NUAK2: variants seen among roughly 807,000 people sequenced by gnomAD.
The protein encoded by NUAK2 is NUAK family kinase 2.
Under a neutral mutation model 29.8 loss-of-function variants are expected in NUAK2, and 20 were observed. The observed-to-expected ratio is 0.67, with a 90% confidence interval of 0.47 to 0.98. The LOEUF (loss-of-function observed/expected upper bound fraction) is 0.98, where lower values mean the gene tolerates loss of function less well. NUAK2 is among the 50% of genes least tolerant of loss of function. NUAK2 has a pLI of 0.00. For synonymous variants in NUAK2, 331 were observed against 342.6 expected (o/e 0.97, Z 0.37); for missense variants, 719 against 834.5 (o/e 0.86, Z 1.71).
chr1:205,308,124 G>T lies in NUAK2; in HGVS notation c.570+41C>A. 7.3e-7 allele frequency: 1 copy of T among 1,377,990 alleles called. No homozygotes were observed. 85.4% of individuals were successfully genotyped at this position (1,377,990 alleles called of 1,614,324 possible). On this transcript the variant is annotated intron_variant, in intron 4 of 6. Coordinates refer to ENST00000367157, the MANE Select transcript of NUAK2 (RefSeq NM_030952.3). This position sits in a 1 kb window ranked among gnomAD's most constrained non-coding sequence, Gnocchi z 4.1. ...GCTGGGGACAGTGCAGAAAAGCTGGGGTGGGCAAGGAGGCTTCTAGAAATA... is the reference window on the plus strand; with the variant it reads ...GCTGGGGACAGTGCAGAAAAGCTGGTGTGGGCAAGGAGGCTTCTAGAAATA...
intron 1 of NUAK2, among the ~76,000 whole-genome samples, chr1:205,320,727 A>G (rs909883374): frequency 7.2e-5 from 11 of 152,232 alleles, no homozygotes; most frequent in African/African-American, 2.7e-4. Flanking sequence ...ACAGACTGCT[A>G]GACTCCTACG....
chr1:205,316,220 T>TG (rs1298802640), intron 1 of NUAK2, among the ~76,000 whole-genome samples: 1 of 152,240 alleles, frequency 6.6e-6, no homozygotes, highest in Non-Finnish European at 1.5e-5. Context: ...TTAACTCATC[T>TG]GGCTGGTTTT....
chr1:205,303,371 G>T lies in NUAK2; in HGVS notation c.*79C>A. Reference sequence around the variant, plus strand: ...AGCTGGGATGCAGGTCCTGGGAGGTGGGGGAGAAGGCATCTCCCCTCGGGG... The same window carrying T: ...AGCTGGGATGCAGGTCCTGGGAGGTTGGGGAGAAGGCATCTCCCCTCGGGG... On this transcript the variant is annotated 3_prime_UTR_variant, in exon 7 of 7. Transcript: ENST00000367157. 2.4e-6 allele frequency: 3 copies of T among 1,256,390 alleles called. No homozygotes were observed. Among genetic ancestry groups the T allele is most frequent in the Non-Finnish European group, 1.1e-6 (1 of 909,228 alleles). The allele number at this position is 1,256,390 out of a possible 1,614,324, so 77.8% of individuals were successfully genotyped here.
chr1:205,317,346 T>C (rs796085206), intron 1 of NUAK2, among the ~76,000 whole-genome samples: 57 of 152,346 alleles, frequency 3.7e-4, no homozygotes, highest in African/African-American at 1.3e-3. Context: ...AGATCCTTGA[T>C]TTCTCTCTGG....
At chr1:205,314,182 C>A (rs1167488656) in intron 1 of NUAK2, among the ~76,000 whole-genome samples, 2 of 152,234 alleles carry the variant, frequency 1.3e-5, no homozygotes, top group Non-Finnish European at 2.9e-5. Flanking sequence ...GTCACCCCGG[C>A]AACGGGCCAG....
At chr1:205,321,309 A>T (rs1323587299) in intron 1 of NUAK2, 89 bp downstream of exon 1, 4 of 1,200,062 alleles carry the variant, frequency 3.3e-6, no homozygotes, top group Non-Finnish European at 4.5e-6. Context: ...TCCGCCGAGC[A>T]ACGAGCGAGC....
chr1:205,308,491 G>T lies in NUAK2; in HGVS notation c.504+90C>A. 2.9e-6 allele frequency: 4 copies of T among 1,400,180 alleles called. No homozygotes were observed. The highest frequency in any genetic ancestry group is 4.0e-6 in the Non-Finnish European group (4 of 1,002,796). 86.7% of individuals were successfully genotyped at this position (1,400,180 alleles called of 1,614,324 possible). On this transcript the variant is annotated intron_variant, in intron 3 of 6. Transcript: ENST00000367157. This position sits in a 1 kb window ranked among gnomAD's most constrained non-coding sequence, Gnocchi z 4.1. ...TTGCCTCTGTTTCTGTGTGATCCTGGACAAGTCATGGAACCTCTCTGGTCC... is the reference window on the plus strand; with the variant it reads ...TTGCCTCTGTTTCTGTGTGATCCTGTACAAGTCATGGAACCTCTCTGGTCC...
At chr1:205,313,818 G>A (rs887242059) in intron 1 of NUAK2, among the ~76,000 whole-genome samples, 1 of 152,202 alleles carries the variant, frequency 6.6e-6, no homozygotes, top group Non-Finnish European at 1.5e-5. Context: ...GTGTCACAGG[G>A]CCGGCCAGTT....
chr1:205,321,397 C>T lies in NUAK2; in HGVS notation c.231+1G>A. Reference sequence around the variant, plus strand: ...GCGCCGCGAGAGGGAGCCGCACTCACCAGGCGCCCCGAGCTCTCCCGCGCC... The same window carrying T: ...GCGCCGCGAGAGGGAGCCGCACTCATCAGGCGCCCCGAGCTCTCCCGCGCC... On this transcript the variant is annotated splice_donor_variant, in intron 1 of 6. Coordinates refer to ENST00000367157, the MANE Select transcript of NUAK2 (RefSeq NM_030952.3). LOFTEE classifies it high-confidence loss of function. The T allele has an allele frequency of 6.2e-7, 1 of 1,612,586 alleles. No homozygotes were observed. Among genetic ancestry groups the T allele is most frequent in the Non-Finnish European group, 8.5e-7 (1 of 1,179,360 alleles).
chr1:205,319,070 C>A (rs1271796216), intron 1 of NUAK2, among the ~76,000 whole-genome samples: 1 of 149,634 alleles, frequency 6.7e-6, no homozygotes, highest in Non-Finnish European at 1.5e-5. Flanking sequence ...GGCACTAGGT[C>A]TCTCTCGATT....
At position 205,321,599 on chromosome 1, in the gene NUAK2, G is replaced by T; in HGVS notation, c.30C>A (p.Ser10=). ...GCTCTGCGGCCGAGGGAGTGGGGCC[G>T]GAGCGCCGCGCGAAAACCAGCGACT... MESLVFARR[S]GPTPSAAELA... Residue 10 remains serine, a synonymous_variant, in exon 1 of 7, where the codon TCC becomes TCA. Transcript: ENST00000367157. 1.2e-6 allele frequency: 2 copies of T among 1,611,702 alleles called. No individual in the cohort carries two copies. Among genetic ancestry groups the T allele is most frequent in the Non-Finnish European group, 1.7e-6 (2 of 1,179,674 alleles).
At chr1:205,318,976 T>C (rs1215954601) in intron 1 of NUAK2, among the ~76,000 whole-genome samples, 1 of 152,126 alleles carries the variant, frequency 6.6e-6, no homozygotes, top group Non-Finnish European at 1.5e-5. Flanking sequence ...CCTCTGAATC[T>C]AGCTCCCACC....
intron 2 of NUAK2, among the ~76,000 whole-genome samples, chr1:205,310,693 C>T (rs1662245606): frequency 6.6e-6 from 1 of 151,874 alleles, no homozygotes; most frequent in South Asian, 2.1e-4. Context: ...CATATATATA[C>T]ACACACACAC....
At chr1:205,310,721 G>A (rs1662245944) in intron 2 of NUAK2, among the ~76,000 whole-genome samples, 1 of 152,020 alleles carries the variant, frequency 6.6e-6, no homozygotes, top group South Asian at 2.1e-4. Flanking sequence ...ACCACACTCA[G>A]CCTGGCTTAA....
chr1:205,303,674 C>G lies in NUAK2; in HGVS notation c.1663G>C (p.Asp555His). 5.1e-6 allele frequency: 8 copies of G among 1,558,694 alleles called. No individual in the cohort carries two copies. The highest frequency in any genetic ancestry group is 6.9e-6 in the Non-Finnish European group (8 of 1,153,840). ...AGCCGTTCAGGCAAGTCCAGCTGGT[C>G]AAAGGACTCAGAGGACAGGATGCTG... Reference protein sequence around the residue: ...EDSILSSESFDQLDLPERLPE... With the variant: ...EDSILSSESFHQLDLPERLPE... The change falls in exon 7 of 7, where the codon GAC becomes CAC. Residue 555 changes from aspartate to histidine, a missense_variant. Physicochemically the swap from Asp to His is moderately conservative, Grantham distance 81. Around this residue, in one of 3 missense-constraint regions of NUAK2, gnomAD observed 430 missense variants for 465.7 expected, o/e 0.92. Coordinates refer to ENST00000367157, the MANE Select transcript of NUAK2 (RefSeq NM_030952.3).
rs1353049118 is a variant in NUAK2, at chr1:205,303,533, C to T, written c.1804G>A (p.Asp602Asn). The T allele has an allele frequency of 4.3e-6, 7 of 1,613,436 alleles. No homozygotes were observed. The highest frequency in any genetic ancestry group is 5.9e-6 in the Non-Finnish European group (7 of 1,179,904). ...LRRWRQDPLG[D>N]SCFSLTDCQE... The stretch of plus-strand genomic sequence containing the variant: ...CAGTCTGTCAGGGAAAAGCAGCTGT[C>T]CCCCAAAGGATCCTGCCGCCAGCGC... Residue 602 changes from aspartate (D) to asparagine (N), a missense_variant, in exon 7 of 7, where the codon GAC becomes AAC. Transcript: ENST00000367157.
Position 205,303,670 on chromosome 1 carries a change from T to A in NUAK2, c.1667A>T (p.Gln556Leu). Residue 556 changes from glutamine to leucine, a missense_variant, in exon 7 of 7, where the codon CAG (glutamine) becomes CTG (leucine). This residue lies in a region of NUAK2 where 430 missense variants were observed against 465.7 expected (regional missense o/e 0.92). Transcript: ENST00000367157. The stretch of plus-strand genomic sequence containing the variant: ...TGGGAGCCGTTCAGGCAAGTCCAGC[T>A]GGTCAAAGGACTCAGAGGACAGGAT... ...DSILSSESFD[Q>L]LDLPERLPEP... 2 of 1,561,756 alleles carry A rather than the reference T, an allele frequency of 1.3e-6. No homozygotes were observed. Among genetic ancestry groups the A allele is most frequent in the Non-Finnish European group, 1.7e-6 (2 of 1,155,324 alleles).
chr1:205,311,507 A>T (rs138492829), intron 2 of NUAK2, among the ~76,000 whole-genome samples, 198 bp downstream of exon 2: 237 of 152,340 alleles, frequency 1.6e-3, no homozygotes, highest in African/African-American at 5.5e-3. Flanking sequence ...TAAATGAGGA[A>T]CTGAGGCCCA....
At position 205,311,822 on chromosome 1, in the gene NUAK2, C is replaced by T; in HGVS notation, c.235G>A (p.Ala79Thr). The stretch of plus-strand genomic sequence containing the variant: ...TTGTCCTTCCGGATTGACTTGATGG[C>T]CACCTGGGAAGAGAAGGCATGAGAG... ...KARESSGRLV[A>T]IKSIRKDKIK... Residue 79 changes from alanine (A) to threonine (T), a missense_variant, in exon 2 of 7, where the codon GCC becomes ACC. Around this residue, in one of 3 missense-constraint regions of NUAK2, gnomAD observed 283 missense variants for 345.6 expected, o/e 0.82. Coordinates refer to ENST00000367157, the MANE Select transcript of NUAK2 (RefSeq NM_030952.3). 1 of 1,613,730 alleles carries T rather than the reference C, an allele frequency of 6.2e-7. No individual in the cohort carries two copies. The highest frequency in any genetic ancestry group is 8.5e-7 in the Non-Finnish European group (1 of 1,179,910).
Sources: gnomAD v4.1 joint callset for allele counts (sites outside exome capture counted in the v4.1 genomes callset) on GRCh38, gnomAD v4.1.1 for gene constraint, gnomAD v4.1.1 regional missense constraint, Gnocchi (gnomAD v3.1) non-coding constraint, MANE v1.5 for transcripts, NCBI Gene and HGNC (gene_info 2026-07-23, HGNC 2026-07-21) for gene names.